SHROOM2: variants seen among roughly 807,000 people sequenced by gnomAD.
SHROOM2 encodes the protein protein Shroom2.
In SHROOM2, 33 loss-of-function variants were observed where a neutral mutation model predicts 75.9. The ratio of observed to expected loss-of-function variants is 0.43; its 90% CI spans 0.33 to 0.58. The LOEUF is 0.58. SHROOM2 is among the 20% of genes least tolerant of loss of function. SHROOM2 has a pLI of 0.04. For synonymous variants in SHROOM2, 655 were observed against 663.6 expected (o/e 0.99, Z 0.20); for missense variants, 1,434 against 1,461.2 (o/e 0.98, Z 0.30).
chrX:9,808,939 G>C (rs919395084), intron 1 of SHROOM2, among the ~76,000 whole-genome samples: 3 of 110,442 alleles, frequency 2.7e-5, no homozygotes, highest in African/African-American at 6.6e-5. Flanking sequence ...CAGTTTAGTG[G>C]TATTTTTTCT....
At chrX:9,923,533 G>A (rs1215059830) in intron 5 of SHROOM2, among the ~76,000 whole-genome samples, 2 of 112,324 alleles carry the variant, frequency 1.8e-5, no homozygotes, top group Middle Eastern at 4.6e-3. Flanking sequence ...TGCCTGGAGG[G>A]CTTTCCCTGA....
chrX:9,937,787 G>A lies in SHROOM2; in HGVS notation c.4139+102G>A. On this transcript the variant is annotated intron_variant, in intron 7 of 9. Coordinates refer to ENST00000380913, the MANE Select transcript of SHROOM2 (RefSeq NM_001649.4). ...CCTCTCTGTTTTCATGCGTGCTTTT[G>A]GGGAAGACGGGTTTTCATAAGGGCT... The A allele has an allele frequency of 1.3e-5, 10 of 747,212 alleles. No homozygotes were observed. The South Asian group carries it at 2.7e-4, about 20-fold the overall frequency. The allele number at this position is 747,212 out of a possible 1,213,427, so 61.6% of individuals were successfully genotyped here.
At chrX:9,899,814 G>A (rs2147022211) in intron 5 of SHROOM2, among the ~76,000 whole-genome samples, 1 of 112,659 alleles carries the variant, frequency 8.9e-6, no homozygotes, top group Non-Finnish European at 1.9e-5. Context: ...AGCACCAGCT[G>A]CAGTCTGTTT....
chrX:9,908,689 G>A (rs1390564557), intron 5 of SHROOM2, among the ~76,000 whole-genome samples: 1 of 110,802 alleles, frequency 9.0e-6, no homozygotes, highest in Non-Finnish European at 1.9e-5. Context: ...AGGCACAGGG[G>A]CTCATGCCTA....
chrX:9,899,218 C>T (rs1429652389), intron 5 of SHROOM2, among the ~76,000 whole-genome samples: 3 of 108,445 alleles, frequency 2.8e-5, no homozygotes, highest in East Asian at 5.8e-4. Context: ...ATGGGGATTG[C>T]GCCACTGCAC....
intron 8 of SHROOM2, among the ~76,000 whole-genome samples, chrX:9,941,767 C>T (rs777759572): frequency 2.8e-5 from 3 of 108,973 alleles, no homozygotes; most frequent in Non-Finnish European, 5.8e-5. Context: ...GTCAGCAGAT[C>T]GAGGCCATCC....
At chrX:9,824,163 A>G (rs2083876354) in intron 1 of SHROOM2, among the ~76,000 whole-genome samples, 2 of 110,355 alleles carry the variant, frequency 1.8e-5, no homozygotes, top group Admixed American at 9.7e-5. Context: ...GCCGGGTGCT[A>G]TGGCTCACAC....
Position 9,792,049 on chromosome X carries a change from T to G in SHROOM2, c.165+5339T>G, listed in dbSNP as rs1370265328. Among the ~76,000 whole-genome samples, 15 of 28,827 alleles carry G rather than the reference T, an allele frequency of 5.2e-4. 2 individuals are homozygous for G. The highest frequency in any genetic ancestry group is 3.0e-3 in the South Asian group (1 of 332). The allele number at this position is 28,827 out of a possible 115,157, so 25.0% of individuals were successfully genotyped here. On this transcript the variant is annotated intron_variant, in intron 1 of 9. Transcript: ENST00000380913. ...TAGAATAGAATAGAATAGAATAGAA[T>G]AGAATAGAATAGAATAGAATAGAAT... is the stretch of plus-strand genomic sequence containing the variant.
chrX:9,810,510 G>C (rs1299853032), intron 1 of SHROOM2, among the ~76,000 whole-genome samples: 1 of 111,073 alleles, frequency 9.0e-6, no homozygotes, highest in Non-Finnish European at 1.9e-5. Context: ...GGAGCCCAAA[G>C]CACCCAGGTG....
At chrX:9,794,002 C>T (rs1047524511) in intron 1 of SHROOM2, among the ~76,000 whole-genome samples, 1 of 112,118 alleles carries the variant, frequency 8.9e-6, no homozygotes, top group Non-Finnish European at 1.9e-5. Context: ...ACCTTGGCCT[C>T]CCAAAATGTT....
chrX:9,924,187 G>A (rs1033338939), intron 5 of SHROOM2, among the ~76,000 whole-genome samples: 2 of 111,956 alleles, frequency 1.8e-5, no homozygotes, highest in Non-Finnish European at 3.8e-5. Context: ...GGACACAAAA[G>A]TTGCAGCAGA....
Position 9,894,692 on chromosome X carries a change from G to T in SHROOM2, c.784G>T (p.Glu262Ter). The stretch of plus-strand genomic sequence containing the variant: ...GGCCGCAGGCGACCCTCAGGGCTCG[G>T]AGGAGAAGCTCAGTTGTTTCCCGCC... ...AQAAGDPQGS[E>*]EKLSCFPPRV... is the part of the protein sequence containing the mutation. Residue 262 changes from glutamate (E) to a stop codon, truncating the protein, a stop_gained, in exon 4 of 10, where the codon GAG (glutamate) becomes TAG (stop). Coordinates refer to ENST00000380913, the MANE Select transcript of SHROOM2 (RefSeq NM_001649.4). LOFTEE classifies it high-confidence loss of function. The T allele has an allele frequency of 1.7e-6, 2 of 1,210,478 alleles. No individual in the cohort carries two copies. Among genetic ancestry groups the T allele is most frequent in the Non-Finnish European group, 1.1e-6 (1 of 894,737 alleles).
intron 1 of SHROOM2, among the ~76,000 whole-genome samples, chrX:9,830,584 CTTTTTTTTTTTTT>C (rs1166769024): frequency 1.9e-3 from 64 of 33,648 alleles, no homozygotes; most frequent in African/African-American, 6.9e-3. Context: ...CCCCTGGTTT[CTTTTTTTTTTTTT>C]TTTTTTTTTT....
chrX:9,944,107 G>A (rs1259771534), intron 8 of SHROOM2, among the ~76,000 whole-genome samples: 1 of 110,982 alleles, frequency 9.0e-6, no homozygotes, highest in Non-Finnish European at 1.9e-5. Flanking sequence ...GCTTGAACCC[G>A]GGAGGCCATT....
At chrX:9,897,193 C>CA in intron 4 of SHROOM2, among the ~76,000 whole-genome samples, 1 of 111,848 alleles carries the variant, frequency 8.9e-6, no homozygotes, top group Non-Finnish European at 1.9e-5. Context: ...TGCTCTGGGA[C>CA]AAAATGTATT....
chrX:9,948,009 G>T lies in SHROOM2; in HGVS notation c.*1072G>T, dbSNP rs1003734284. Reference sequence around the variant, plus strand: ...TTGAAATGGCAGGATTCTAAAGAGAGCCTGGTTTGTTAAAAGAAAACACTG... The same window carrying T: ...TTGAAATGGCAGGATTCTAAAGAGATCCTGGTTTGTTAAAAGAAAACACTG... On this transcript the variant is annotated 3_prime_UTR_variant, in exon 10 of 10. Coordinates refer to ENST00000380913, the MANE Select transcript of SHROOM2 (RefSeq NM_001649.4). 8.9e-6 allele frequency: 1 copy of T among 112,188 alleles called. No homozygotes were observed. Among genetic ancestry groups the T allele is most frequent in the Non-Finnish European group, 1.9e-5 (1 of 53,293 alleles). The allele number at this position is 112,188 out of a possible 1,213,427, so 9.2% of individuals were successfully genotyped here.
Position 9,907,310 on chromosome X carries a change from G to A in SHROOM2, c.2891+9020G>A, listed in dbSNP as rs769619801. 8.4e-4 allele frequency among the ~76,000 whole-genome samples: 93 copies of A among 110,887 alleles called. 1 individual carries two copies. The highest frequency in any genetic ancestry group is 2.9e-3 in the African/African-American group (87 of 30,475). ...CTCCCTGAGCAGAACTGGAGCCGGT[G>A]TAACACAGGCTGTGTCTCTGAATAG... On this transcript the variant is annotated intron_variant, in intron 5 of 9. Transcript: ENST00000380913.
chrX:9,830,466 G>A (rs1053688649), intron 1 of SHROOM2, among the ~76,000 whole-genome samples: 2 of 110,276 alleles, frequency 1.8e-5, no homozygotes, highest in African/African-American at 3.3e-5. Flanking sequence ...ATGAATTTCC[G>A]ACATAGAGCT....
chrX:9,939,885 C>G, intron 8 of SHROOM2, among the ~76,000 whole-genome samples: 1 of 111,651 alleles, frequency 9.0e-6, no homozygotes, highest in Non-Finnish European at 1.9e-5. Context: ...CTCCCGGGTT[C>G]AAGCAATTCT....
Sources: allele counts gnomAD v4.1 joint callset (sites outside exome capture counted in the v4.1 genomes callset), GRCh38; gene constraint gnomAD v4.1.1; transcripts MANE v1.5; gene names NCBI Gene and HGNC (gene_info 2026-07-23, HGNC 2026-07-21).